The following SUFU variants were observed in gnomAD, a reference collection of about 807,000 sequenced individuals.
SUFU encodes the protein suppressor of fused homolog.
In SUFU, 7 loss-of-function variants were observed where a neutral mutation model predicts 58.9. The ratio of observed to expected loss-of-function variants is 0.12; its 90% CI spans 0.07 to 0.22. The LOEUF is 0.22. SUFU is among the 10% of genes least tolerant of loss of function. The probability of loss-of-function intolerance (pLI) is 1.00; values close to 1 mark genes in which losing one functional copy is unlikely to be tolerated. For missense variants in SUFU, 451 were observed against 641.3 expected (o/e 0.70, Z 3.20); for synonymous variants, 232 against 254.8 (o/e 0.91, Z 0.85).
In SUFU at chr10:102,633,296, AT is replaced by A. The variant is rs1463654687; in HGVS notation, c.*3145del. Reference sequence around the variant, plus strand: ...GCTGCGACAAGCAGATTTTTGTAAAATTTTATATTAGTTTTTAATGTCAGTG... The same window carrying A: ...GCTGCGACAAGCAGATTTTTGTAAAATTTATATTAGTTTTTAATGTCAGTG... On this transcript the variant is annotated 3_prime_UTR_variant, in exon 12 of 12. Coordinates refer to ENST00000369902, the MANE Select transcript of SUFU (RefSeq NM_016169.4). 2 of 232,998 alleles carry A rather than the reference AT, an allele frequency of 8.6e-6. No individual in the cohort carries two copies. The highest frequency in any genetic ancestry group is 4.4e-5 in the African/African-American group (2 of 45,286). The allele number at this position is 232,998 out of a possible 1,614,324, so 14.4% of individuals were successfully genotyped here. A position where few individuals can be genotyped will look rare whatever the true frequency, so the allele number is the denominator to read the frequency against.
intron 3 of SUFU, among the ~76,000 whole-genome samples, chr10:102,559,565 A>G (rs1054548642): frequency 2.0e-5 from 3 of 152,158 alleles, no homozygotes; most frequent in Admixed American, 6.5e-5. Flanking sequence ...TGTATCAGTA[A>G]CTTCACCAGT....
rs556772513 is a variant in SUFU at position 102,529,822 on chromosome 10, A to G, written c.318-20148A>G. Among the ~76,000 whole-genome samples, 3 of 151,876 alleles carry G rather than the reference A, an allele frequency of 2.0e-5. No individual in the cohort carries two copies. The South Asian group carries it at 6.2e-4, about 32-fold the overall frequency. On this transcript the variant is annotated intron_variant, in intron 2 of 11. Transcript: ENST00000369902. ...TAGCTGGGCATGGTGGCATGCACCT[A>G]TAGTCCCAGCTACTCGGGAGGCTGA...
chr10:102,601,862 G>A (rs1564700895), intron 8 of SUFU, among the ~76,000 whole-genome samples: 1 of 152,202 alleles, frequency 6.6e-6, no homozygotes, highest in Non-Finnish European at 1.5e-5. Flanking sequence ...GGGGCAGCCA[G>A]CGTGGGCCAT....
intron 2 of SUFU, among the ~76,000 whole-genome samples, chr10:102,531,671 G>T (rs766973363): frequency 6.6e-6 from 1 of 152,148 alleles, no homozygotes; most frequent in African/African-American, 2.4e-5. Flanking sequence ...ATAAGGGATT[G>T]GTGCCTTCAA....
chr10:102,619,226 G>A lies in SUFU; in HGVS notation c.1296+1798G>A, dbSNP rs973772393. 37 of 1,539,016 alleles carry A rather than the reference G, an allele frequency of 2.4e-5. No homozygotes were observed. The African/African-American group carries it at 2.7e-4, about 11-fold the overall frequency. The stretch of plus-strand genomic sequence containing the variant: ...CCCCTCAGTCCCCTGAATGCCCTTC[G>A]GACCCAACCCCAATTCCCCAAGCCC... On this transcript the variant is annotated intron_variant, in intron 10 of 11. Coordinates refer to ENST00000369902, the MANE Select transcript of SUFU (RefSeq NM_016169.4). This position sits in a 1 kb window ranked among gnomAD's most constrained non-coding sequence, Gnocchi z 4.2.
chr10:102,604,998 C>T (rs188058912), intron 8 of SUFU, among the ~76,000 whole-genome samples: 58 of 146,250 alleles, frequency 4.0e-4, no homozygotes, highest in Admixed American at 9.9e-4. Flanking sequence ...GTGGCACAAT[C>T]TCGGCTTACT....
intron 2 of SUFU, among the ~76,000 whole-genome samples, chr10:102,548,899 G>T (rs777315310): frequency 1.3e-5 from 2 of 152,140 alleles, no homozygotes; most frequent in Non-Finnish European, 2.9e-5. Context: ...TCATTATTCT[G>T]GGTCACTGAG....
chr10:102,567,407 A>T (rs7906115), intron 3 of SUFU, among the ~76,000 whole-genome samples: 1 of 151,884 alleles, frequency 6.6e-6, no homozygotes. Flanking sequence ...CCCGTAAGCC[A>T]TACACAGTAC....
In SUFU at chr10:102,617,153, C is replaced by T; in HGVS notation, c.1158-137C>T. The stretch of plus-strand genomic sequence containing the variant: ...TTGGATACAGTCCCCTGTTGATGGG[C>T]AGGTGGGCAGCCAGGAGGGCATGTT... On this transcript the variant is annotated intron_variant, in intron 9 of 11. Transcript: ENST00000369902. The surrounding 1 kb of genome is among the most constrained non-coding windows in gnomAD (Gnocchi z 4.4). 9.7e-7 allele frequency: 1 copy of T among 1,033,438 alleles called. No homozygotes were observed. The highest frequency in any genetic ancestry group is 1.5e-6 in the Non-Finnish European group (1 of 677,268). The allele number at this position is 1,033,438 out of a possible 1,614,324, so 64.0% of individuals were successfully genotyped here.
intron 10 of SUFU, among the ~76,000 whole-genome samples, chr10:102,626,406 G>A (rs1256028682): frequency 6.6e-6 from 1 of 152,202 alleles, no homozygotes; most frequent in Non-Finnish European, 1.5e-5. Context: ...GCCAAATAGT[G>A]GGGCCAGACT....
intron 2 of SUFU, among the ~76,000 whole-genome samples, chr10:102,511,289 C>T (rs2062398708): frequency 6.6e-6 from 1 of 152,050 alleles, no homozygotes; most frequent in Non-Finnish European, 1.5e-5. Flanking sequence ...CCCTCAACCT[C>T]ATTAGCATGG....
At chr10:102,512,093 A>C (rs1478287168) in intron 2 of SUFU, among the ~76,000 whole-genome samples, 1 of 152,136 alleles carries the variant, frequency 6.6e-6, no homozygotes, top group Non-Finnish European at 1.5e-5. Context: ...TCTCTTGTTA[A>C]GCTCAGAGGC....
upstream of SUFU, among the ~76,000 whole-genome samples, chr10:102,502,991 G>A (rs2062270466): frequency 2.0e-5 from 3 of 152,342 alleles, no homozygotes; most frequent in South Asian, 6.2e-4. Flanking sequence ...GCTGAGGTAT[G>A]TAGTCTTCTC....
chr10:102,613,813 G>A (rs1221839679), intron 8 of SUFU, among the ~76,000 whole-genome samples: 1 of 152,220 alleles, frequency 6.6e-6, no homozygotes, highest in Non-Finnish European at 1.5e-5. Flanking sequence ...AATGCAAAGG[G>A]ACCCTGTGTC....
chr10:102,597,032 G>A (rs2063469847), intron 6 of SUFU, 108 bp from the exon 7 acceptor site: 23 of 1,343,920 alleles, frequency 1.7e-5, no homozygotes, highest in Non-Finnish European at 2.4e-5. Flanking sequence ...CCCATGCTCA[G>A]CACCACAAGG....
chr10:102,506,039 GAAAAAAAAAAA>G lies in SUFU; in HGVS notation c.182+1722_182+1732del, dbSNP rs1170831161. Reference sequence around the variant, plus strand: ...TAGCCAGACCCTAACTCTGTTATTTGAAAAAAAAAAAAAAAAAAAAAAAAAAAGAAGTGGGC... The same window carrying G: ...TAGCCAGACCCTAACTCTGTTATTTGAAAAAAAAAAAAAAAAGAAGTGGGC... On this transcript the variant is annotated intron_variant, in intron 1 of 11. Transcript: ENST00000369902. Among the ~76,000 whole-genome samples, 191 of 84,214 alleles carry G rather than the reference GAAAAAAAAAAA, an allele frequency of 2.3e-3. 1 individual carries two copies. Among genetic ancestry groups the G allele is most frequent in the African/African-American group, 7.5e-3 (177 of 23,628 alleles). 55.2% of individuals were successfully genotyped at this position (84,214 alleles called of 152,430 possible).
chr10:102,565,327 C>G (rs901179484), intron 3 of SUFU, among the ~76,000 whole-genome samples: 1 of 152,196 alleles, frequency 6.6e-6, no homozygotes, highest in East Asian at 1.9e-4. Context: ...TGTGAGATTT[C>G]AGAGGTCCCG....
chr10:102,627,827 G>T (rs1358562490), intron 11 of SUFU, among the ~76,000 whole-genome samples: 2 of 152,156 alleles, frequency 1.3e-5, no homozygotes, highest in Non-Finnish European at 2.9e-5. Flanking sequence ...CTGCTCCTCT[G>T]GGGTAGAGGA....
intron 3 of SUFU, 95 bp from the exon 4 acceptor site, chr10:102,592,487 G>A (rs2063413404): frequency 1.4e-6 from 2 of 1,477,148 alleles, no homozygotes; most frequent in East Asian, 4.5e-5. Context: ...AAGAGGCTGG[G>A]AAGCCTCCCA....
Sources: allele counts gnomAD v4.1 joint callset (sites outside exome capture counted in the v4.1 genomes callset), GRCh38; gene constraint gnomAD v4.1.1; non-coding constraint Gnocchi (gnomAD v3.1); transcripts MANE v1.5; gene names NCBI Gene and HGNC (gene_info 2026-07-23, HGNC 2026-07-21).